The following COL5A1 variants were observed in gnomAD, a reference collection of about 807,000 sequenced individuals.
COL5A1 encodes the protein collagen alpha-1(V) chain.
In COL5A1, 16 loss-of-function variants were observed where a neutral mutation model predicts 263.7. That is an observed-to-expected ratio of 0.06 (90% CI 0.04 to 0.09). COL5A1 has a LOEUF of 0.09. Ranked by LOEUF, COL5A1 falls within the 10% of genes least tolerant of loss-of-function variation. COL5A1 has a pLI of 1.00. For missense variants in COL5A1, 2,036 were observed against 2,540.5 expected, an observed-to-expected ratio of 0.80 and a Z score of 4.27; for synonymous variants, 1,012 against 1,004.5, an observed-to-expected ratio of 1.01 and a Z score of -0.14.
At chr9:134,732,038 A>T in intron 8 of COL5A1, 33 bp from the exon 9 acceptor site, 1 of 1,612,036 alleles carries the variant, frequency 6.2e-7, no homozygotes, top group South Asian at 1.1e-5. Flanking sequence ...TTTCTCTCTG[A>T]TTCTCTTTCC....
intron 4 of COL5A1, chr9:134,709,235 A>G: frequency 3.1e-6 from 1 of 320,594 alleles, no homozygotes; most frequent in Non-Finnish European, 6.1e-6. Flanking sequence ...CTTAAAAGTG[A>G]GCCTCTGGGC....
chr9:134,804,933 G>C, intron 39 of COL5A1, 42 bp from the exon 40 acceptor site: 1 of 1,564,924 alleles, frequency 6.4e-7, no homozygotes, highest in Non-Finnish European at 8.8e-7. Context: ...AGAGGTCTGC[G>C]TCACTGGCTC....
rs370736555 is a variant in COL5A1 at position 134,704,613 on chromosome 9, G to C, written c.654+3280G>C. Among the ~76,000 whole-genome samples, 126 of 152,296 alleles carry C rather than the reference G, an allele frequency of 8.3e-4. No homozygotes were observed. The Middle Eastern group carries it at 0.024, about 29-fold the overall frequency. ...GTCGTGGAATTCGATTTGAGCCAGA[G>C]TGGCTGCCAGGAACGAGAGGTTTTT... On this transcript the variant is annotated intron_variant, in intron 4 of 65. Coordinates refer to ENST00000371817, the MANE Select transcript of COL5A1 (RefSeq NM_000093.5).
intron 4 of COL5A1, among the ~76,000 whole-genome samples, chr9:134,721,266 C>CA (rs1554786109): frequency 1.3e-5 from 2 of 150,602 alleles, no homozygotes; most frequent in Non-Finnish European, 3.0e-5. Context: ...ATGTCCCCCC[C>CA]ATGGGACCCC....
At chr9:134,808,184 C>T (rs187375798) in intron 42 of COL5A1, among the ~76,000 whole-genome samples, 24 of 152,240 alleles carry the variant, frequency 1.6e-4, no homozygotes, top group Admixed American at 5.2e-4. Flanking sequence ...GACTAAATCC[C>T]GGCTACATTT....
At chr9:134,753,538 G>A (rs372376581) in intron 14 of COL5A1, among the ~76,000 whole-genome samples, 4 of 152,350 alleles carry the variant, frequency 2.6e-5, no homozygotes, top group South Asian at 4.1e-4. Context: ...GCTTTGGGCT[G>A]TAACGGACCA....
At position 134,716,720 on chromosome 9, in the gene COL5A1, C is replaced by G. The variant is rs2132611366; in HGVS notation, c.655-10546C>G. 6.6e-6 allele frequency among the ~76,000 whole-genome samples: 1 copy of G among 152,310 alleles called. No homozygotes were observed. Among genetic ancestry groups the G allele is most frequent in the Non-Finnish European group, 1.5e-5 (1 of 68,020 alleles). On this transcript the variant is annotated intron_variant, in intron 4 of 65. Transcript: ENST00000371817. The surrounding 1 kb of genome is among the most constrained non-coding windows in gnomAD (Gnocchi z 4.5). ...TCCCTGTGGCCAGCTTCAGGGTGTGCATGAGGCTGTGACCTGATCATGCCC... is the reference window on the plus strand; with the variant it reads ...TCCCTGTGGCCAGCTTCAGGGTGTGGATGAGGCTGTGACCTGATCATGCCC...
In COL5A1 at chr9:134,677,545, G is replaced by T. The variant is rs935529617; in HGVS notation, c.110-13367G>T. 6.6e-6 allele frequency among the ~76,000 whole-genome samples: 1 copy of T among 152,190 alleles called. No individual in the cohort carries two copies. Among genetic ancestry groups the T allele is most frequent in the Admixed American group, 6.5e-5 (1 of 15,282 alleles). On this transcript the variant is annotated intron_variant, in intron 1 of 65. Coordinates refer to ENST00000371817, the MANE Select transcript of COL5A1 (RefSeq NM_000093.5). The surrounding 1 kb of genome is among the most constrained non-coding windows in gnomAD (Gnocchi z 4.4). ...TGCCCCTGATGCTGAAATGATAGGA[G>T]GGTGAGGTTTATCAGCGGGATCTTC...
rs1017310195 is a variant in COL5A1, at chr9:134,652,134, C to T, written c.109+9838C>T. Among the ~76,000 whole-genome samples, 2 of 152,086 alleles carry T rather than the reference C, an allele frequency of 1.3e-5. No homozygotes were observed. Among genetic ancestry groups the T allele is most frequent in the Admixed American group, 6.5e-5 (1 of 15,272 alleles). On this transcript the variant is annotated intron_variant, in intron 1 of 65. Transcript: ENST00000371817. The surrounding 1 kb of genome is among the most constrained non-coding windows in gnomAD (Gnocchi z 4.4). Reference sequence around the variant, plus strand: ...GCGTTCTCGAGGGAAGGGTAGGGAACGATTTCTGACTGCGATTGTAAGAGC... The same window carrying T: ...GCGTTCTCGAGGGAAGGGTAGGGAATGATTTCTGACTGCGATTGTAAGAGC...
chr9:134,766,519 G>C (rs1157908814), intron 22 of COL5A1, 21 bp downstream of exon 22: 1 of 1,613,530 alleles, frequency 6.2e-7, no homozygotes. Context: ...GGGGTCCCGT[G>C]GCCTGGCTTC....
rs182734184 is a variant in COL5A1, at chr9:134,717,253, C to T, written c.655-10013C>T. On this transcript the variant is annotated intron_variant, in intron 4 of 65. Coordinates refer to ENST00000371817, the MANE Select transcript of COL5A1 (RefSeq NM_000093.5). ...TCTGGCAGTGTCTGTCAGAATCCGC[C>T]GGGCCCAGCGGGAGGGAAGCCCCGT... is the stretch of plus-strand genomic sequence containing the variant. Among the ~76,000 whole-genome samples the T allele has an allele frequency of 3.1e-3, 455 of 145,816 alleles. 1 individual carries two copies. Among genetic ancestry groups the T allele is most frequent in the African/African-American group, 0.011 (439 of 39,816 alleles).
chr9:134,815,126 T>G (rs905333720), intron 50 of COL5A1, among the ~76,000 whole-genome samples: 8 of 152,218 alleles, frequency 5.3e-5, no homozygotes, highest in Non-Finnish European at 7.3e-5. Flanking sequence ...CCCTGAGTGA[T>G]TCTTCTCTGT....
chr9:134,840,989 G>A lies in COL5A1; in HGVS notation c.5371-1168G>A, dbSNP rs573981998. Among the ~76,000 whole-genome samples the A allele has an allele frequency of 3.3e-5, 5 of 152,348 alleles. No homozygotes were observed. The South Asian group carries it at 1.0e-3, about 32-fold the overall frequency. ...GGTCAGGGAGCAGAATACCGGGAGA[G>A]CTGGAGCTGCTGTCTGCTATCCGAA... On this transcript the variant is annotated intron_variant, in intron 65 of 65. Coordinates refer to ENST00000371817, the MANE Select transcript of COL5A1 (RefSeq NM_000093.5).
intron 1 of COL5A1, among the ~76,000 whole-genome samples, chr9:134,660,379 G>A (rs1832166179): frequency 6.6e-6 from 1 of 152,220 alleles, no homozygotes; most frequent in African/African-American, 2.4e-5. Flanking sequence ...GCCCCAGACA[G>A]ATTCTATTAG....
chr9:134,815,958 C>G lies in COL5A1; in HGVS notation c.4092C>G (p.Asp1364Glu), dbSNP rs1319310960. ...GPAGQDGPPG[D>E]KGDDGEPGQT... The stretch of plus-strand genomic sequence containing the variant: ...AGGGTCAAGATGGTCCCCCTGGTGA[C>G]AAAGGAGATGATGGTGAACCCGGGC... The change falls in exon 52 of 66, where the codon GAC becomes GAG. Residue 1364 changes from aspartate (D) to glutamate (E), a missense_variant. By Grantham distance (45) the Asp-to-Glu change is conservative. This residue lies in a region of COL5A1 where 1,078 missense variants were observed against 1,521.4 expected (regional missense o/e 0.71). Coordinates refer to ENST00000371817, the MANE Select transcript of COL5A1 (RefSeq NM_000093.5). 4 of 1,613,968 alleles carry G rather than the reference C, an allele frequency of 2.5e-6. No individual in the cohort carries two copies. The African/African-American group carries it at 5.3e-5, about 22-fold the overall frequency.
intron 22 of COL5A1, 112 bp from the exon 23 acceptor site, chr9:134,766,888 C>A: frequency 1.9e-6 from 2 of 1,033,538 alleles, no homozygotes; most frequent in Non-Finnish European, 3.0e-6. Flanking sequence ...TGGCATTAGG[C>A]AGTGGGGAGC....
intron 63 of COL5A1, 112 bp from the exon 64 acceptor site, chr9:134,829,864 G>T: frequency 8.3e-7 from 1 of 1,211,452 alleles, no homozygotes; most frequent in Non-Finnish European, 1.2e-6. Flanking sequence ...CCCCCCCGGC[G>T]TGAGGATGCA....
chr9:134,768,771 G>A (rs564125866), intron 25 of COL5A1, among the ~76,000 whole-genome samples: 3 of 152,362 alleles, frequency 2.0e-5, no homozygotes, highest in East Asian at 3.9e-4. Context: ...GGGCTGGGCC[G>A]GGCTCCAGGC....
At chr9:134,752,820 C>T (rs1318722466) in intron 14 of COL5A1, among the ~76,000 whole-genome samples, 175 bp downstream of exon 14, 1 of 151,996 alleles carries the variant, frequency 6.6e-6, no homozygotes, top group African/African-American at 2.4e-5. Flanking sequence ...CTCGGTGCTG[C>T]TCCAGCCCCC....
Sources: allele counts gnomAD v4.1 joint callset (sites outside exome capture counted in the v4.1 genomes callset), GRCh38; gene constraint gnomAD v4.1.1; regional missense constraint gnomAD v4.1.1; non-coding constraint Gnocchi (gnomAD v3.1); transcripts MANE v1.5; gene names NCBI Gene and HGNC (gene_info 2026-07-23, HGNC 2026-07-21).